Variants in RC3H1 observed in about 807,000 individuals in gnomAD.
RC3H1 encodes the protein roquin-1.
Under a neutral mutation model 138.2 loss-of-function variants are expected in RC3H1, and 50 were observed. That is an observed-to-expected ratio of 0.36 (90% CI 0.29 to 0.46). The LOEUF (loss-of-function observed/expected upper bound fraction) is 0.46, where lower values mean the gene tolerates loss of function less well. Ranked by LOEUF, RC3H1 falls within the 20% of genes least tolerant of loss-of-function variation. The pLI is 1.00. For missense variants in RC3H1, 1,031 were observed against 1,388.1 expected, an observed-to-expected ratio of 0.74 and a Z score of 4.09; for synonymous variants, 462 against 489.1, an observed-to-expected ratio of 0.94 and a Z score of 0.73.
intron 1 of RC3H1, 69 bp from the exon 2 acceptor site, chr1:173,993,204 C>G: frequency 1.9e-6 from 1 of 539,218 alleles, no homozygotes. Context: ...AAAAGAACCA[C>G]AAGTCCAGTC....
chr1:173,946,662 T>C, intron 16 of RC3H1, 54 bp from the exon 17 acceptor site: 1 of 1,605,696 alleles, frequency 6.2e-7, no homozygotes. Context: ...TTTGTTAACA[T>C]ATTACTGACC....
intron 14 of RC3H1, among the ~76,000 whole-genome samples, chr1:173,948,387 T>C (rs1659227275): frequency 6.6e-6 from 1 of 151,392 alleles, no homozygotes; most frequent in African/African-American, 2.4e-5. Context: ...CAATCACTAA[T>C]AAAAGCCAAT....
intron 6 of RC3H1, among the ~76,000 whole-genome samples, chr1:173,980,203 T>C (rs1330404333): frequency 6.6e-6 from 1 of 150,478 alleles, no homozygotes; most frequent in Non-Finnish European, 1.5e-5. Flanking sequence ...AAAAACATAT[T>C]TCCCAATTCT....
chr1:173,942,218 G>C (rs1435541312), intron 18 of RC3H1, among the ~76,000 whole-genome samples: 2 of 150,510 alleles, frequency 1.3e-5, no homozygotes, highest in Non-Finnish European at 3.0e-5. Context: ...CACCAGCCTG[G>C]GCAATAGTGC....
At position 173,946,880 on chromosome 1, in the gene RC3H1, T is replaced by A. The variant is rs557487314; in HGVS notation, c.2738-44A>T. The A allele has an allele frequency of 7.5e-6, 10 of 1,329,258 alleles. No individual in the cohort carries two copies. The South Asian group carries it at 1.1e-4, about 14-fold the overall frequency. The allele number at this position is 1,329,258 out of a possible 1,614,324, so 82.3% of individuals were successfully genotyped here. A position where few individuals can be genotyped will look rare whatever the true frequency, so the allele number is the denominator to read the frequency against. On this transcript the variant is annotated intron_variant, in intron 15 of 19. Transcript: ENST00000367696. ...TTATGGTATAATTCACAGATTTGAT[T>A]CTTCTTTTAAGGTATTCATAATCTG...
chr1:173,993,100 CTG>C lies in RC3H1; in HGVS notation c.-117_-116del. The C allele has an allele frequency of 1.4e-6, 1 of 719,370 alleles. No individual in the cohort carries two copies. The highest frequency in any genetic ancestry group is 2.3e-6 in the Non-Finnish European group (1 of 431,044). The allele number at this position is 719,370 out of a possible 1,614,324, so 44.6% of individuals were successfully genotyped here. ...TATCTTTTTTTTTTTTAAATATCTTCTGTAGATACAGTCAGCACATAGTGTGA... is the reference window on the plus strand; with the variant it reads ...TATCTTTTTTTTTTTTAAATATCTTCTAGATACAGTCAGCACATAGTGTGA... On this transcript the variant is annotated 5_prime_UTR_variant, in exon 2 of 20. Transcript: ENST00000367696.
intron 18 of RC3H1, among the ~76,000 whole-genome samples, chr1:173,942,100 G>A (rs2102845385): frequency 6.6e-6 from 1 of 151,860 alleles, no homozygotes; most frequent in East Asian, 1.9e-4. Context: ...AAATTGGCTG[G>A]GTGTGGTGGC....
At chr1:173,941,760 C>T (rs374338506) in intron 18 of RC3H1, among the ~76,000 whole-genome samples, 6 of 152,144 alleles carry the variant, frequency 3.9e-5, no homozygotes, top group African/African-American at 7.2e-5. Context: ...GGCGAAACCC[C>T]GTCTCTACTA....
intron 4 of RC3H1, chr1:173,983,124 A>G (rs1660888555): frequency 2.1e-6 from 1 of 478,712 alleles, no homozygotes; most frequent in East Asian, 3.5e-5. Context: ...TAAATTTAAG[A>G]AAAACTTCTA....
At chr1:173,972,756 T>C in intron 7 of RC3H1, 129 bp from the exon 8 acceptor site, 2 of 644,632 alleles carry the variant, frequency 3.1e-6, no homozygotes, top group East Asian at 2.7e-5. Context: ...TTTTAGATAA[T>C]AGCTTATTCA....
At chr1:173,959,102 T>C (rs1375803795) in intron 13 of RC3H1, among the ~76,000 whole-genome samples, 5 of 152,094 alleles carry the variant, frequency 3.3e-5, no homozygotes, top group Non-Finnish European at 7.4e-5. Context: ...TTCTATTCAG[T>C]ATTATGCTGG....
intron 17 of RC3H1, among the ~76,000 whole-genome samples, chr1:173,945,381 C>T (rs561908355): frequency 6.6e-6 from 1 of 152,214 alleles, no homozygotes; most frequent in Non-Finnish European, 1.5e-5. Context: ...CTGCTCTGGC[C>T]TCCCAAAGTG....
intron 3 of RC3H1, among the ~76,000 whole-genome samples, 195 bp from the exon 4 acceptor site, chr1:173,983,852 T>C (rs924558789): frequency 6.6e-6 from 1 of 152,188 alleles, no homozygotes; most frequent in Non-Finnish European, 1.5e-5. Context: ...AATGTATACA[T>C]GAGTTATCTC....
chr1:174,007,305 G>A (rs1188009996), intron 1 of RC3H1, among the ~76,000 whole-genome samples: 6 of 151,790 alleles, frequency 4.0e-5, no homozygotes, highest in Non-Finnish European at 5.9e-5. Flanking sequence ...CAGGAGAATG[G>A]CGTGAACCCG....
chr1:174,016,485 C>T (rs1249745233), intron 1 of RC3H1, among the ~76,000 whole-genome samples: 2 of 145,934 alleles, frequency 1.4e-5, no homozygotes, highest in African/African-American at 5.1e-5. Context: ...TCTGGAACTC[C>T]TGGCTTCATG....
intron 18 of RC3H1, among the ~76,000 whole-genome samples, chr1:173,942,344 A>G (rs1419815468): frequency 1.3e-5 from 2 of 149,816 alleles, no homozygotes; most frequent in Non-Finnish European, 3.0e-5. Flanking sequence ...GAGGCAGGAG[A>G]ATCACTGGAA....
At chr1:173,975,374 G>A (rs1229121182) in intron 7 of RC3H1, among the ~76,000 whole-genome samples, 1 of 152,062 alleles carries the variant, frequency 6.6e-6, no homozygotes, top group African/African-American at 2.4e-5. Flanking sequence ...GATTACAGGC[G>A]TGAGCCACTG....
chr1:174,016,449 G>C (rs1661864461), intron 1 of RC3H1, among the ~76,000 whole-genome samples: 1 of 142,864 alleles, frequency 7.0e-6, no homozygotes, highest in South Asian at 2.2e-4. Context: ...TTTTGAGGTG[G>C]GGTTTCACTC....
At chr1:174,003,127 C>T (rs929872214) in intron 1 of RC3H1, among the ~76,000 whole-genome samples, 2 of 152,158 alleles carry the variant, frequency 1.3e-5, no homozygotes, top group African/African-American at 4.8e-5. Flanking sequence ...GTGGCTTATG[C>T]CTGTAATCCC....
Sources: gnomAD v4.1 joint callset for allele counts (sites outside exome capture counted in the v4.1 genomes callset) on GRCh38, gnomAD v4.1.1 for gene constraint, MANE v1.5 for transcripts, NCBI Gene and HGNC (gene_info 2026-07-23, HGNC 2026-07-21) for gene names.